PBRM1: variants seen among roughly 807,000 people sequenced by gnomAD.
PBRM1 encodes the protein protein polybromo-1.
PBRM1 carries 27 observed loss-of-function variants against 194.5 expected under a neutral mutation model. The observed-to-expected ratio is 0.14, with a 90% CI of 0.10 to 0.19. PBRM1 has a LOEUF of 0.19. Ranked by LOEUF, PBRM1 falls within the 10% of genes least tolerant of loss-of-function variation. The pLI, the probability that PBRM1 is intolerant of heterozygous loss-of-function variation, is 1.00. For missense variants in PBRM1, 1,466 were observed against 2,077.2 expected, an observed-to-expected ratio of 0.71 and a Z score of 5.72; for synonymous variants, 655 against 693.2, an observed-to-expected ratio of 0.94 and a Z score of 0.87.
chr3:52,620,251 G>T (rs2095213079), intron 13 of PBRM1, among the ~76,000 whole-genome samples: 1 of 152,170 alleles, frequency 6.6e-6, no homozygotes, highest in Non-Finnish European at 1.5e-5. Flanking sequence ...AGTCTCTAAA[G>T]AAAAATTTCA....
chr3:52,631,485 C>T (rs1323348528), intron 11 of PBRM1, among the ~76,000 whole-genome samples: 4 of 152,092 alleles, frequency 2.6e-5, no homozygotes, highest in African/African-American at 7.2e-5. Context: ...TGCTTCTTGA[C>T]TCTATCTGGG....
At chr3:52,638,369 T>C (rs2095910449) in intron 10 of PBRM1, among the ~76,000 whole-genome samples, 2 of 151,752 alleles carry the variant, frequency 1.3e-5, no homozygotes, top group Non-Finnish European at 2.9e-5. Context: ...TTCTTTTTTT[T>C]TTTTTTTGAG....
intron 2 of PBRM1, among the ~76,000 whole-genome samples, chr3:52,673,438 G>GC (rs1433894692): frequency 6.6e-6 from 1 of 150,622 alleles, no homozygotes; most frequent in African/African-American, 2.4e-5. Context: ...GGAGGCTGAG[G>GC]CGGGTGGATC....
chr3:52,674,206 G>A (rs936637944), intron 2 of PBRM1, among the ~76,000 whole-genome samples: 7 of 152,004 alleles, frequency 4.6e-5, no homozygotes, highest in African/African-American at 1.4e-4. Flanking sequence ...AAAGAGCTGA[G>A]CACGGTGGCT....
At chr3:52,625,225 T>C (rs1055944371) in intron 13 of PBRM1, among the ~76,000 whole-genome samples, 1 of 152,216 alleles carries the variant, frequency 6.6e-6, no homozygotes, top group Admixed American at 6.5e-5. Context: ...CAAGTGGTAC[T>C]TGGAAAACTT....
chr3:52,579,103 C>T (rs2090431823), exon 21 of PBRM1: 3 of 1,614,154 alleles, frequency 1.9e-6, no homozygotes, highest in East Asian at 2.2e-5. Flanking sequence ...AAGACACAGT[C>T]GCCAACCTTC....
intron 5 of PBRM1, among the ~76,000 whole-genome samples, chr3:52,655,151 C>CATGT (rs2096585846): frequency 1.3e-5 from 2 of 152,038 alleles, no homozygotes; most frequent in African/African-American, 4.8e-5. Context: ...GGTACACTCA[C>CATGT]ACTGCTGTGC....
At chr3:52,649,659 G>A (rs989905757) in intron 6 of PBRM1, among the ~76,000 whole-genome samples, 1 of 152,140 alleles carries the variant, frequency 6.6e-6, no homozygotes, top group Non-Finnish European at 1.5e-5. Context: ...TTATTCAACT[G>A]GTACAAGGAG....
intron 22 of PBRM1, among the ~76,000 whole-genome samples, chr3:52,572,868 T>C (rs1240337990): frequency 3.3e-5 from 5 of 152,222 alleles, no homozygotes; most frequent in Non-Finnish European, 7.3e-5. Flanking sequence ...TTAATAGTGG[T>C]TAGAGTTAAT....
chr3:52,556,716 C>T (rs2082290006), intron 26 of PBRM1, among the ~76,000 whole-genome samples: 1 of 152,156 alleles, frequency 6.6e-6, no homozygotes, highest in African/African-American at 2.4e-5. Flanking sequence ...ACCTGTAAAA[C>T]CATGAAAAAT....
rs905152611 is a variant in PBRM1, at chr3:52,659,205, G to A, written c.529-890C>T. ...CACTGTTTCAACATAGGAAGTATATGCCCCAAAGAGTACTTGACCAGGGAG... is the reference window on the plus strand; with the variant it reads ...CACTGTTTCAACATAGGAAGTATATACCCCAAAGAGTACTTGACCAGGGAG... On this transcript the variant is annotated intron_variant, in intron 4 of 29. Transcript: ENST00000296302. Among the ~76,000 whole-genome samples, 9 of 152,168 alleles carry A rather than the reference G, an allele frequency of 5.9e-5. No homozygotes were observed. In the South Asian group the frequency reaches 1.0e-3, roughly 18 times the overall value.
intron 17 of PBRM1, among the ~76,000 whole-genome samples, chr3:52,597,383 C>A (rs988729756): frequency 2.6e-5 from 4 of 152,266 alleles, no homozygotes; most frequent in South Asian, 2.1e-4. Context: ...TCTCCTAATT[C>A]TCCTATTTCT....
At chr3:52,585,523 A>C (rs1050236706) in intron 20 of PBRM1, 1 of 152,006 alleles carries the variant, frequency 6.6e-6, no homozygotes, top group Non-Finnish European at 1.5e-5. Flanking sequence ...TTTCTTCCAC[A>C]TTTATTTATT....
At chr3:52,616,718 C>T (rs1364357180) in intron 14 of PBRM1, among the ~76,000 whole-genome samples, 1 of 152,136 alleles carries the variant, frequency 6.6e-6, no homozygotes, top group Non-Finnish European at 1.5e-5. Context: ...TGCTCTGTAG[C>T]AAAATCAATT....
At chr3:52,589,159 T>A (rs372395774) in exon 18 of PBRM1, 1 of 1,612,540 alleles carries the variant, frequency 6.2e-7, no homozygotes, top group Non-Finnish European at 8.5e-7. Flanking sequence ...ATCTCCAACA[T>A]GGTACATGCT....
chr3:52,586,780 C>G (rs1480062043), intron 19 of PBRM1, 92 bp from the exon 22 acceptor site: 1 of 900,590 alleles, frequency 1.1e-6, no homozygotes, highest in Admixed American at 2.5e-5. Context: ...AAATAACCAA[C>G]CAACCAAACA....
chr3:52,557,751 G>A (rs2082515750), intron 26 of PBRM1, among the ~76,000 whole-genome samples: 1 of 152,122 alleles, frequency 6.6e-6, no homozygotes, highest in African/African-American at 2.4e-5. Context: ...TAGCAGTCAT[G>A]CACATTGGTG....
intron 3 of PBRM1, among the ~76,000 whole-genome samples, chr3:52,664,053 C>G (rs1163932019): frequency 2.8e-5 from 4 of 144,500 alleles, no homozygotes; most frequent in Admixed American, 6.9e-5. Context: ...AAGCCAGACT[C>G]CGTCTCAAAA....
chr3:52,579,108 A>G (rs2090432834), exon 21 of PBRM1: 3 of 1,614,094 alleles, frequency 1.9e-6, no homozygotes, highest in Admixed American at 3.3e-5. Context: ...ACAGTCGCCA[A>G]CCTTCAGCCA....
Sources: allele counts gnomAD v4.1 joint callset (sites outside exome capture counted in the v4.1 genomes callset), GRCh38; gene constraint gnomAD v4.1.1; transcripts MANE v1.5; gene names NCBI Gene and HGNC (gene_info 2026-07-23, HGNC 2026-07-21).